NOMO1: variants seen among roughly 807,000 people sequenced by gnomAD.
The protein encoded by NOMO1 is nodal modulator 3.
A neutral mutation model predicts 133.8 loss-of-function variants in NOMO1; 40 were observed. That is an observed-to-expected ratio of 0.30 (90% CI 0.23 to 0.39). NOMO1 has a LOEUF of 0.39. Ranked by LOEUF, NOMO1 falls within the 10% of genes least tolerant of loss-of-function variation. NOMO1 has a pLI of 1.00. For missense variants in NOMO1, 462 were observed against 1,419.9 expected (o/e 0.33, Z 10.84); for synonymous variants, 236 against 570.5 (o/e 0.41, Z 8.36).
chr16:14,857,744 C>T lies in NOMO1; in HGVS notation c.1220+89C>T, dbSNP rs559583152. ...TGACCTGTGATCTGTGTGTCTTTGC[C>T]GAGCTTAAGAACTTAAGAAAGATTA... On this transcript the variant is annotated intron_variant, in intron 11 of 30. Coordinates refer to ENST00000287667, the MANE Select transcript of NOMO1 (RefSeq NM_014287.4). 78 of 1,577,076 alleles carry T rather than the reference C, an allele frequency of 4.9e-5. 2 individuals are homozygous for T. The highest frequency in any genetic ancestry group is 4.1e-4 in the South Asian group (36 of 87,910).
rs934591399 is a variant in NOMO1, at chr16:14,852,950, C to G, written c.735+368C>G. 1.9e-5 allele frequency: 5 copies of G among 264,340 alleles called. No homozygotes were observed. The East Asian group carries it at 5.0e-4, about 27-fold the overall frequency. The allele number at this position is 264,340 out of a possible 1,614,324, so 16.4% of individuals were successfully genotyped here. On this transcript the variant is annotated intron_variant, in intron 7 of 30. Transcript: ENST00000287667. Reference sequence around the variant, plus strand: ...CCCAGGAGGTGGAGGTTGCAGTGAGCCAAGATCACACCACTGCACTCCAGC... The same window carrying G: ...CCCAGGAGGTGGAGGTTGCAGTGAGGCAAGATCACACCACTGCACTCCAGC...
chr16:14,853,412 A>G (rs1963788256), intron 7 of NOMO1, 55 bp from the exon 8 acceptor site: 2 of 1,402,340 alleles, frequency 1.4e-6, no homozygotes, highest in Non-Finnish European at 1.9e-6. Context: ...AATTGATGGT[A>G]TTCAGAACAT....
chr16:14,854,332 ATTTTTTT>A (rs767871170), intron 9 of NOMO1, among the ~76,000 whole-genome samples: 1 of 123,222 alleles, frequency 8.1e-6, no homozygotes, highest in Admixed American at 8.2e-5. Context: ...TGTGGACCTC[ATTTTTTT>A]TTTTTTTTTT....
intron 16 of NOMO1, among the ~76,000 whole-genome samples, chr16:14,871,225 A>G (rs1367957088): frequency 1.3e-5 from 2 of 151,420 alleles, no homozygotes; most frequent in Non-Finnish European, 2.9e-5. Context: ...ATAGGAAGAA[A>G]TTGAGGCTGT....
intron 12 of NOMO1, 101 bp downstream of exon 12, chr16:14,863,288 T>G: frequency 3.3e-6 from 5 of 1,511,362 alleles, no homozygotes; most frequent in Non-Finnish European, 4.4e-6. Flanking sequence ...CATTCCAGTT[T>G]CCAACTTCTT....
At chr16:14,873,931 C>G (rs2151005506) in intron 18 of NOMO1, among the ~76,000 whole-genome samples, 1 of 151,802 alleles carries the variant, frequency 6.6e-6, no homozygotes, top group East Asian at 2.0e-4. Context: ...TCCCTTGAAC[C>G]CTAGGCCCAG....
In NOMO1 at chr16:14,835,868, A is replaced by G. The variant is rs13380583; in HGVS notation, c.165+1852A>G. Among the ~76,000 whole-genome samples the G allele has an allele frequency of 2.2e-3, 329 of 152,052 alleles. 1 individual carries two copies. Among genetic ancestry groups the G allele is most frequent in the African/African-American group, 7.5e-3 (310 of 41,418 alleles). ...TTTTTACATCGTGTTCATTGAGTCA[A>G]CAACTATTTACTGAGCCCTGGCACA... On this transcript the variant is annotated intron_variant, in intron 1 of 30. Transcript: ENST00000287667.
rs773243782 is a variant in NOMO1 at position 14,866,699 on chromosome 16, C to T, written c.1806+8C>T. ...TCTCACGCCATCACTCTGGTATGTA[C>T]GGCTTATTGAGTCTCTTATTTGGAA... On this transcript the variant is annotated splice_region_variant and intron_variant, in intron 15 of 30. Transcript: ENST00000287667. The T allele has an allele frequency of 3.6e-5, 58 of 1,609,902 alleles. 1 individual carries two copies. Among genetic ancestry groups the T allele is most frequent in the African/African-American group, 1.9e-4 (14 of 73,654 alleles).
intron 1 of NOMO1, among the ~76,000 whole-genome samples, chr16:14,835,467 G>C (rs1963491907): frequency 1.3e-5 from 2 of 150,474 alleles, no homozygotes; most frequent in South Asian, 2.1e-4. Context: ...AAGGCCTCTT[G>C]CAACTTGTAG....
At chr16:14,877,552 G>T (rs1381791838) in intron 22 of NOMO1, among the ~76,000 whole-genome samples, 1 of 151,930 alleles carries the variant, frequency 6.6e-6, no homozygotes, top group Non-Finnish European at 1.5e-5. Context: ...TTTACAAGGA[G>T]CTCCTAAGAT....
chr16:14,886,087 A>G (rs1308049854), intron 27 of NOMO1, among the ~76,000 whole-genome samples: 1 of 152,060 alleles, frequency 6.6e-6, no homozygotes, highest in East Asian at 1.9e-4. Flanking sequence ...CCAGGGCTGC[A>G]CCTTAACCCT....
chr16:14,845,398 C>G (rs570816291), intron 4 of NOMO1, among the ~76,000 whole-genome samples: 2 of 152,118 alleles, frequency 1.3e-5, no homozygotes, highest in South Asian at 2.1e-4. Flanking sequence ...AGGACGCACT[C>G]TCTAAGCCTT....
In NOMO1 at chr16:14,887,334, C is replaced by T. The variant is rs917795207; in HGVS notation, c.3324+472C>T. Among the ~76,000 whole-genome samples the T allele has an allele frequency of 2.6e-5, 4 of 151,482 alleles. 1 individual carries two copies. Among genetic ancestry groups the T allele is most frequent in the African/African-American group, 9.7e-5 (4 of 41,178 alleles). ...TTTGAGACGGAGTCTCGCCTTGTCG[C>T]CCAGGCTGGAGTGCAGTGGCGCAAT... is the stretch of plus-strand genomic sequence containing the variant. On this transcript the variant is annotated intron_variant, in intron 28 of 30. Coordinates refer to ENST00000287667, the MANE Select transcript of NOMO1 (RefSeq NM_014287.4).
In NOMO1 at chr16:14,864,968, C is replaced by T. The variant is rs1401916317; in HGVS notation, c.1538-56C>T. ...CTATTACATAGGGTTAGGATTCAAACCTGTGCTGAAGCCTTATAAGGGGTC... is the reference window on the plus strand; with the variant it reads ...CTATTACATAGGGTTAGGATTCAAATCTGTGCTGAAGCCTTATAAGGGGTC... On this transcript the variant is annotated intron_variant, in intron 13 of 30. Coordinates refer to ENST00000287667, the MANE Select transcript of NOMO1 (RefSeq NM_014287.4). 12 of 1,609,882 alleles carry T rather than the reference C, an allele frequency of 7.5e-6. 1 individual carries two copies. In the East Asian group the frequency reaches 8.9e-5, roughly 12 times the overall value.
intron 11 of NOMO1, among the ~76,000 whole-genome samples, chr16:14,861,084 G>C (rs1293767225): frequency 7.1e-6 from 1 of 140,272 alleles, no homozygotes; most frequent in Non-Finnish European, 1.5e-5. Context: ...TGACCCACCC[G>C]CCTCGGCTTC....
chr16:14,844,996 A>G (rs1471373887), intron 4 of NOMO1, among the ~76,000 whole-genome samples: 4 of 151,962 alleles, frequency 2.6e-5, no homozygotes, highest in African/African-American at 9.7e-5. Context: ...CTCTGCTCCC[A>G]GAGCATAGGC....
chr16:14,859,873 T>A (rs1338016369), intron 11 of NOMO1, among the ~76,000 whole-genome samples: 1 of 152,052 alleles, frequency 6.6e-6, no homozygotes, highest in Non-Finnish European at 1.5e-5. Flanking sequence ...TGCAGAGACC[T>A]TAGTAAAGAC....
Position 14,895,973 on chromosome 16 carries a change from C to G in NOMO1, c.*328C>G, listed in dbSNP as rs755719908. 9 of 1,601,242 alleles carry G rather than the reference C, an allele frequency of 5.6e-6. No homozygotes were observed. In the African/African-American group the frequency reaches 9.4e-5, roughly 17 times the overall value. ...TGAGAATGTCATTCTTGATCTTCAG[C>G]CTTCGTTTGCAAGGAGAGTTCCAGT... On this transcript the variant is annotated 3_prime_UTR_variant, in exon 31 of 31. Coordinates refer to ENST00000287667, the MANE Select transcript of NOMO1 (RefSeq NM_014287.4).
At chr16:14,859,946 G>A (rs1407438517) in intron 11 of NOMO1, among the ~76,000 whole-genome samples, 5 of 152,014 alleles carry the variant, frequency 3.3e-5, no homozygotes, top group African/African-American at 1.2e-4. Flanking sequence ...GGCCTGCATA[G>A]GATAGGAAGG....
Sources: gnomAD v4.1 joint callset for allele counts (sites outside exome capture counted in the v4.1 genomes callset) on GRCh38, gnomAD v4.1.1 for gene constraint, MANE v1.5 for transcripts, NCBI Gene and HGNC (gene_info 2026-07-23, HGNC 2026-07-21) for gene names.